DPP6: variants seen among roughly 807,000 people sequenced by gnomAD.
The protein encoded by DPP6 is A-type potassium channel modulatory protein DPP6.
A neutral mutation model predicts 122.6 loss-of-function variants in DPP6; 69 were observed. That is an observed-to-expected ratio of 0.56 (90% CI 0.46 to 0.69). DPP6 has a LOEUF of 0.69. DPP6 is among the 30% of genes least tolerant of loss of function. DPP6 has a pLI of 0.00. For missense variants in DPP6, 928 were observed against 1,116.9 expected (o/e 0.83, Z 2.41); for synonymous variants, 418 against 433.1 (o/e 0.97, Z 0.43).
chr7:154,192,113 CT>C (rs1798643823), intron 1 of DPP6, among the ~76,000 whole-genome samples: 1 of 152,166 alleles, frequency 6.6e-6, no homozygotes, highest in African/African-American at 2.4e-5. Context: ...GAGGTGAAGA[CT>C]GATTTAAAGG....
In DPP6 at chr7:154,483,672, C is replaced by T. The variant is rs188603092; in HGVS notation, c.457+8635C>T. On this transcript the variant is annotated intron_variant, in intron 3 of 25. Transcript: ENST00000377770. The surrounding 1 kb of genome is among the most constrained non-coding windows in gnomAD (Gnocchi z 8.1). ...AATATAGGCATTTATGAGAAAAAGC[C>T]CAGGTGAAGTTTTTGTTTCGTTTTG... Among the ~76,000 whole-genome samples, 1 of 152,180 alleles carries T rather than the reference C, an allele frequency of 6.6e-6. No individual in the cohort carries two copies. The highest frequency in any genetic ancestry group is 6.5e-5 in the Admixed American group (1 of 15,270).
chr7:154,296,213 G>A (rs1805535432), intron 1 of DPP6, among the ~76,000 whole-genome samples: 1 of 152,004 alleles, frequency 6.6e-6, no homozygotes, highest in Admixed American at 6.6e-5. Context: ...CAAAGTGCTG[G>A]GATGACAGGC....
At chr7:153,990,868 G>T (rs571535195) in intron 1 of DPP6, among the ~76,000 whole-genome samples, 1 of 152,336 alleles carries the variant, frequency 6.6e-6, no homozygotes, top group East Asian at 1.9e-4. Context: ...GCCAGATTTC[G>T]TTTTGAGATT....
At chr7:154,322,455 G>A (rs1247848789) in intron 1 of DPP6, among the ~76,000 whole-genome samples, 5 of 152,278 alleles carry the variant, frequency 3.3e-5, no homozygotes, top group Admixed American at 1.3e-4. Flanking sequence ...GACAATTTTC[G>A]TTTGGTCTAA....
rs1833607633 is a variant in DPP6, at chr7:154,607,069, C to T, written c.628-30752C>T. 1.7e-5 allele frequency among the ~76,000 whole-genome samples: 2 copies of T among 121,012 alleles called. 1 individual carries two copies. Among genetic ancestry groups the T allele is most frequent in the South Asian group, 6.8e-4 (2 of 2,928 alleles). The allele number at this position is 121,012 out of a possible 152,430, so 79.4% of individuals were successfully genotyped here. A position where few individuals can be genotyped will look rare whatever the true frequency, so the allele number is the denominator to read the frequency against. ...TTGCAAGTAGCTGCATGAAATGCCACGCGATGCCAATCATCTCCACATGAG... is the reference window on the plus strand; with the variant it reads ...TTGCAAGTAGCTGCATGAAATGCCATGCGATGCCAATCATCTCCACATGAG... On this transcript the variant is annotated intron_variant, in intron 5 of 25. Transcript: ENST00000377770.
chr7:154,031,123 A>G (rs1799206662), intron 1 of DPP6, among the ~76,000 whole-genome samples: 1 of 152,092 alleles, frequency 6.6e-6, no homozygotes, highest in African/African-American at 2.4e-5. Flanking sequence ...CAGGGCGAAT[A>G]CAATCCCTTC....
At chr7:154,555,543 C>T (rs184114729) in intron 4 of DPP6, among the ~76,000 whole-genome samples, 1,578 of 151,946 alleles carry the variant, frequency 0.01, 24 homozygotes, top group East Asian at 0.066. Context: ...GTGCAGCACA[C>T]CAACATGGCA....
chr7:154,472,116 C>G (rs986292619), intron 2 of DPP6, among the ~76,000 whole-genome samples: 1 of 152,100 alleles, frequency 6.6e-6, no homozygotes. Flanking sequence ...CTGCAGGAGC[C>G]ATATTGTATG....
At chr7:154,771,408 A>G (rs1276099415) in intron 9 of DPP6, among the ~76,000 whole-genome samples, 3 of 152,208 alleles carry the variant, frequency 2.0e-5, no homozygotes, top group Non-Finnish European at 4.4e-5. Flanking sequence ...CCATGTCTTC[A>G]CATGAAGGGG....
chr7:153,995,894 G>A (rs1797408177), intron 1 of DPP6, among the ~76,000 whole-genome samples: 2 of 152,194 alleles, frequency 1.3e-5, no homozygotes, highest in Non-Finnish European at 2.9e-5. Flanking sequence ...AGTGATCATT[G>A]CTGCTTCCAA....
chr7:154,750,592 G>C (rs1843329891), intron 8 of DPP6, among the ~76,000 whole-genome samples: 4 of 152,350 alleles, frequency 2.6e-5, no homozygotes, highest in Admixed American at 2.6e-4. Context: ...GAGCTGAAGG[G>C]TGGCGGGGGT....
rs920785730 is a variant in DPP6 at position 154,760,841 on chromosome 7, G to T, written c.884-8576G>T. Among the ~76,000 whole-genome samples, 326 of 145,540 alleles carry T rather than the reference G, an allele frequency of 2.2e-3. 1 individual carries two copies. Among genetic ancestry groups the T allele is most frequent in the Non-Finnish European group, 3.6e-3 (237 of 66,614 alleles). ...TCAGCCTTCCTCTTTCAAAACTTTT[G>T]TTTTTTTTTTTTTGAGACAGTCTTG... On this transcript the variant is annotated intron_variant, in intron 8 of 25. Transcript: ENST00000377770. The surrounding 1 kb of genome is among the most constrained non-coding windows in gnomAD (Gnocchi z 4.5).
chr7:154,827,165 A>G (rs1444257723), intron 16 of DPP6, among the ~76,000 whole-genome samples: 1 of 150,990 alleles, frequency 6.6e-6, no homozygotes. Flanking sequence ...GGCATATGAG[A>G]TACATAATCT....
At chr7:154,199,571 A>G (rs1382857657) in intron 1 of DPP6, among the ~76,000 whole-genome samples, 1 of 152,136 alleles carries the variant, frequency 6.6e-6, no homozygotes, top group Admixed American at 6.5e-5. Context: ...GTTTATAATA[A>G]AAATTAACCT....
At chr7:154,283,170 G>A (rs1381264668) in intron 1 of DPP6, among the ~76,000 whole-genome samples, 1 of 152,088 alleles carries the variant, frequency 6.6e-6, no homozygotes, top group Non-Finnish European at 1.5e-5. Context: ...CTGAACACTG[G>A]GATCCCCGTT....
At chr7:154,091,093 C>T (rs373144598) in intron 1 of DPP6, among the ~76,000 whole-genome samples, 1 of 149,500 alleles carries the variant, frequency 6.7e-6, no homozygotes, top group Non-Finnish European at 1.5e-5. Context: ...TGCACTCCAG[C>T]TTGGGCAACA....
chr7:154,663,317 A>G (rs1486722834), intron 6 of DPP6, among the ~76,000 whole-genome samples: 4 of 44,622 alleles, frequency 9.0e-5, no homozygotes, highest in East Asian at 7.4e-4. Flanking sequence ...TAGTGTTCAT[A>G]GAGTCATGGT....
intron 1 of DPP6, among the ~76,000 whole-genome samples, chr7:154,335,842 C>T (rs1809367106): frequency 6.6e-6 from 1 of 152,034 alleles, no homozygotes; most frequent in Non-Finnish European, 1.5e-5. Context: ...TGGGGCACTC[C>T]ATGGGATATA....
intron 5 of DPP6, among the ~76,000 whole-genome samples, chr7:154,625,009 G>A (rs984234694): frequency 1.3e-5 from 2 of 152,198 alleles, no homozygotes; most frequent in Admixed American, 6.5e-5. Flanking sequence ...TTTATGTTGT[G>A]TGGATTAATG....
Sources: allele counts gnomAD v4.1 joint callset (sites outside exome capture counted in the v4.1 genomes callset), GRCh38; gene constraint gnomAD v4.1.1; non-coding constraint Gnocchi (gnomAD v3.1); transcripts MANE v1.5; gene names NCBI Gene and HGNC (gene_info 2026-07-23, HGNC 2026-07-21).